PARD3: variants seen among roughly 807,000 people sequenced by gnomAD.
The protein encoded by PARD3 is partitioning defective 3 homolog.
PARD3 carries 75 observed loss-of-function variants against 155.4 expected under a neutral mutation model. The ratio of observed to expected loss-of-function variants is 0.48; its 90% CI spans 0.40 to 0.58. PARD3 has a LOEUF of 0.58. Ranked by LOEUF, PARD3 falls within the 20% of genes least tolerant of loss-of-function variation. The probability of loss-of-function intolerance (pLI) is 0.00; values close to 1 mark genes in which losing one functional copy is unlikely to be tolerated. For synonymous variants in PARD3, 576 were observed against 610.5 expected (o/e 0.94, Z 0.83); for missense variants, 1,642 against 1,721.7 (o/e 0.95, Z 0.82).
intron 23 of PARD3, among the ~76,000 whole-genome samples, chr10:34,124,338 G>A (rs1947164258): frequency 6.6e-6 from 1 of 152,174 alleles, no homozygotes; most frequent in South Asian, 2.1e-4. Flanking sequence ...CAATTCACAT[G>A]AGCTGTGACC....
At chr10:34,280,433 T>G (rs1956102050) in intron 21 of PARD3, among the ~76,000 whole-genome samples, 1 of 152,156 alleles carries the variant, frequency 6.6e-6, no homozygotes, top group Admixed American at 6.5e-5. Flanking sequence ...TTCTCCCAAA[T>G]TTTTCTGTAG....
chr10:34,685,588 C>T (rs1350931870), intron 2 of PARD3, among the ~76,000 whole-genome samples: 2 of 139,878 alleles, frequency 1.4e-5, no homozygotes, highest in Admixed American at 1.6e-4. Flanking sequence ...GCACGTGATT[C>T]CCGCAATCTT....
chr10:34,491,354 CTG>C (rs2079892176), intron 3 of PARD3, among the ~76,000 whole-genome samples: 1 of 152,222 alleles, frequency 6.6e-6, no homozygotes, highest in Non-Finnish European at 1.5e-5. Context: ...CAGAAAAGAT[CTG>C]AGGGATTTCC....
At chr10:34,428,899 G>A (rs921887011) in intron 5 of PARD3, among the ~76,000 whole-genome samples, 3 of 152,130 alleles carry the variant, frequency 2.0e-5, no homozygotes, top group African/African-American at 7.2e-5. Flanking sequence ...AAATTTGTTA[G>A]CAATGCAAAA....
chr10:34,356,335 A>G (rs1359493884), intron 14 of PARD3, among the ~76,000 whole-genome samples: 2 of 152,198 alleles, frequency 1.3e-5, no homozygotes, highest in African/African-American at 4.8e-5. Context: ...GGAGTTGGAG[A>G]ACAGCCTGGA....
At chr10:34,668,737 C>T (rs1180873907) in intron 2 of PARD3, among the ~76,000 whole-genome samples, 2 of 152,118 alleles carry the variant, frequency 1.3e-5, no homozygotes, top group African/African-American at 4.8e-5. Context: ...CTTTTGGATG[C>T]TGCAGTGGGA....
chr10:34,709,183 A>C (rs2094413847), intron 1 of PARD3, among the ~76,000 whole-genome samples: 1 of 148,268 alleles, frequency 6.7e-6, no homozygotes, highest in Non-Finnish European at 1.5e-5. Context: ...ATTTAAACAA[A>C]AAAAGTCATT....
chr10:34,652,969 T>G (rs2133071732), intron 2 of PARD3, among the ~76,000 whole-genome samples: 1 of 152,174 alleles, frequency 6.6e-6, no homozygotes, highest in African/African-American at 2.4e-5. Flanking sequence ...AAGTGCTCAT[T>G]TTAATGACAA....
chr10:34,245,391 G>A (rs1953879033), intron 22 of PARD3, among the ~76,000 whole-genome samples: 1 of 152,116 alleles, frequency 6.6e-6, no homozygotes, highest in African/African-American at 2.4e-5. Context: ...CCTAGAATGA[G>A]AATGCCACGC....
intron 2 of PARD3, among the ~76,000 whole-genome samples, chr10:34,679,420 T>C (rs2093770118): frequency 6.6e-6 from 1 of 152,142 alleles, no homozygotes; most frequent in Non-Finnish European, 1.5e-5. Context: ...TCTCAACGCA[T>C]TCCTTGCCAA....
intron 18 of PARD3, among the ~76,000 whole-genome samples, chr10:34,334,154 CT>C (rs1402105852): frequency 2.6e-5 from 4 of 151,706 alleles, no homozygotes; most frequent in African/African-American, 9.7e-5. Context: ...AATCTCTATA[CT>C]TCAAGAATGA....
rs58877037 is a variant in PARD3, at chr10:34,482,032, CTTT to C, written c.404-11772_404-11770del. ...ACCACTGTGCCCTGCTAATTTTTAT[CTTT>C]TTTTTTTTTTTTTTTTTGAAGCAGC... On this transcript the variant is annotated intron_variant, in intron 3 of 24. Transcript: ENST00000374788. Among the ~76,000 whole-genome samples, 29 of 101,572 alleles carry C rather than the reference CTTT, an allele frequency of 2.9e-4. 1 individual carries two copies. Among genetic ancestry groups the C allele is most frequent in the African/African-American group, 1.1e-3 (23 of 20,438 alleles). 66.6% of individuals were successfully genotyped at this position (101,572 alleles called of 152,430 possible). A position where few individuals can be genotyped will look rare whatever the true frequency, so the allele number is the denominator to read the frequency against.
At chr10:34,635,353 T>C (rs2092431298) in intron 2 of PARD3, among the ~76,000 whole-genome samples, 1 of 152,232 alleles carries the variant, frequency 6.6e-6, no homozygotes, top group Admixed American at 6.5e-5. Flanking sequence ...ATGCCAGGCA[T>C]AAGGCTGAGG....
intron 20 of PARD3, among the ~76,000 whole-genome samples, chr10:34,305,709 T>C (rs1957372933): frequency 1.3e-5 from 2 of 152,210 alleles, no homozygotes; most frequent in African/African-American, 4.8e-5. Context: ...CTGGGCACAG[T>C]GGTGCACGCC....
chr10:34,474,264 TGAG>T (rs2078554126), intron 3 of PARD3, among the ~76,000 whole-genome samples: 1 of 152,222 alleles, frequency 6.6e-6, no homozygotes, highest in Non-Finnish European at 1.5e-5. Context: ...CTGTAAGACC[TGAG>T]TCATCACAGT....
chr10:34,254,009 C>G (rs964812230), intron 22 of PARD3, among the ~76,000 whole-genome samples: 3 of 152,078 alleles, frequency 2.0e-5, no homozygotes, highest in Non-Finnish European at 4.4e-5. Context: ...GATGGGTGCA[C>G]TGAAGGCCCT....
At chr10:34,132,344 C>T (rs1002736700) in intron 22 of PARD3, among the ~76,000 whole-genome samples, 5 of 133,904 alleles carry the variant, frequency 3.7e-5, no homozygotes, top group African/African-American at 8.5e-5. Flanking sequence ...CCTACGCACA[C>T]GTTTACAAAT....
intron 20 of PARD3, among the ~76,000 whole-genome samples, chr10:34,294,074 A>G (rs967476949): frequency 2.0e-5 from 2 of 98,196 alleles, no homozygotes; most frequent in African/African-American, 1.0e-4. Context: ...TTCACTACAC[A>G]CCTTTCTCTA....
intron 2 of PARD3, among the ~76,000 whole-genome samples, chr10:34,558,538 A>G (rs975009939): frequency 6.6e-6 from 1 of 152,188 alleles, no homozygotes; most frequent in Non-Finnish European, 1.5e-5. Context: ...GGCTGAAGCT[A>G]TATTATTCCA....
Sources: allele counts gnomAD v4.1 joint callset (sites outside exome capture counted in the v4.1 genomes callset), GRCh38; gene constraint gnomAD v4.1.1; transcripts MANE v1.5; gene names NCBI Gene and HGNC (gene_info 2026-07-23, HGNC 2026-07-21).